The following TPST2 variants were observed in gnomAD, a reference collection of about 807,000 sequenced individuals.
TPST2 encodes the protein protein-tyrosine sulfotransferase 2.
In TPST2, 16 loss-of-function variants were observed where a neutral mutation model predicts 27.8. The observed-to-expected ratio is 0.58, with a 90% CI of 0.39 to 0.88. The LOEUF is 0.88. Ranked by LOEUF, TPST2 falls within the 40% of genes least tolerant of loss-of-function variation. The pLI, the probability that TPST2 is intolerant of heterozygous loss-of-function variation, is 0.00. For missense variants in TPST2, 464 were observed against 543.1 expected, an observed-to-expected ratio of 0.85 and a Z score of 1.45; for synonymous variants, 229 against 231.7, an observed-to-expected ratio of 0.99 and a Z score of 0.10.
At chr22:26,569,390 T>C in intron 1 of TPST2, among the ~76,000 whole-genome samples, 1 of 152,194 alleles carries the variant, frequency 6.6e-6, no homozygotes, top group East Asian at 1.9e-4. Flanking sequence ...TTGATCCAGG[T>C]GCTGGTCACA....
At chr22:26,546,261 T>C (rs1379354457) in intron 1 of TPST2, among the ~76,000 whole-genome samples, 1 of 151,952 alleles carries the variant, frequency 6.6e-6, no homozygotes, top group Non-Finnish European at 1.5e-5. Flanking sequence ...TAAACCCAGA[T>C]GGAAAAGGGA....
intron 1 of TPST2, among the ~76,000 whole-genome samples, chr22:26,570,057 A>AAGACAGACAGAC (rs1927569356): frequency 1.3e-5 from 2 of 148,796 alleles, no homozygotes. Flanking sequence ...GAAAGAAAGA[A>AAGACAGACAGAC]AGAAAGAAGG....
intron 1 of TPST2, among the ~76,000 whole-genome samples, chr22:26,567,142 C>T (rs1428001073): frequency 6.6e-6 from 1 of 152,202 alleles, no homozygotes; most frequent in African/African-American, 2.4e-5. Context: ...TTCCATCTCC[C>T]AGGTACCTGT....
At chr22:26,571,339 C>T (rs1010706813) in intron 1 of TPST2, among the ~76,000 whole-genome samples, 1 of 152,162 alleles carries the variant, frequency 6.6e-6, no homozygotes, top group Non-Finnish European at 1.5e-5. Context: ...TCTCTCACAT[C>T]GCACTTCTTC....
intron 1 of TPST2, among the ~76,000 whole-genome samples, chr22:26,585,282 C>G (rs1273789724): frequency 1.3e-5 from 2 of 152,192 alleles, no homozygotes; most frequent in Admixed American, 1.3e-4. Flanking sequence ...TGCCCGCCAT[C>G]TGAGCACATA....
intron 1 of TPST2, among the ~76,000 whole-genome samples, chr22:26,562,342 G>GC (rs1008184187): frequency 1.8e-4 from 28 of 152,154 alleles, no homozygotes; most frequent in Admixed American, 5.2e-4. Flanking sequence ...TCCTTTGGCA[G>GC]CACCCCCACC....
intron 1 of TPST2, among the ~76,000 whole-genome samples, chr22:26,585,475 C>T (rs6005087): frequency 0.035 from 5,352 of 152,152 alleles, 327 homozygotes; most frequent in African/African-American, 0.12. Flanking sequence ...TGAGAAGTGA[C>T]GGGAGGGGAC....
In TPST2 at chr22:26,530,891, C is replaced by A. The variant is rs932778460; in HGVS notation, c.1092+1804G>T. Among the ~76,000 whole-genome samples the A allele has an allele frequency of 2.6e-5, 4 of 152,040 alleles. No individual in the cohort carries two copies. The South Asian group carries it at 8.3e-4, about 32-fold the overall frequency. Reference sequence around the variant, plus strand: ...AGGCGTGGTGGCCGGTGCCTGTAATCCCAGCTACTTGAGAGGCTGAGGCAG... The same window carrying A: ...AGGCGTGGTGGCCGGTGCCTGTAATACCAGCTACTTGAGAGGCTGAGGCAG... On this transcript the variant is annotated intron_variant, in intron 5 of 6. Transcript: ENST00000338754.
intron 1 of TPST2, among the ~76,000 whole-genome samples, chr22:26,588,773 A>T (rs1238702761): frequency 1.3e-5 from 2 of 152,024 alleles, no homozygotes; most frequent in African/African-American, 2.4e-5. Context: ...CATCACTACT[A>T]AATCCGGTGT....
chr22:26,548,430 G>C (rs986369833), intron 1 of TPST2, among the ~76,000 whole-genome samples: 3 of 151,260 alleles, frequency 2.0e-5, no homozygotes, highest in African/African-American at 7.3e-5. Context: ...ACCAGGTAGG[G>C]CATGGGAAAG....
chr22:26,590,101 TCTCCAGCCGC>T lies in TPST2; in HGVS notation c.-219_-210del, dbSNP rs1928502473. The T allele has an allele frequency of 6.6e-6, 1 of 151,572 alleles. No individual in the cohort carries two copies. Among genetic ancestry groups the T allele is most frequent in the Admixed American group, 6.6e-5 (1 of 15,238 alleles). 9.4% of individuals were successfully genotyped at this position (151,572 alleles called of 1,614,324 possible). ...CCCCACGCACCCAGCGACTCCCGGC[TCTCCAGCCGC>T]CCCAGCCGGGGAAGGGGGAGGTGCC... On this transcript the variant is annotated 5_prime_UTR_variant, in exon 1 of 7. Transcript: ENST00000338754.
chr22:26,554,498 G>A (rs1479398087), intron 1 of TPST2, among the ~76,000 whole-genome samples: 1 of 152,200 alleles, frequency 6.6e-6, no homozygotes, highest in Non-Finnish European at 1.5e-5. Context: ...AGAGGTAGGG[G>A]ACTGAGCATA....
intron 4 of TPST2, chr22:26,536,027 A>G: frequency 1.6e-6 from 1 of 614,780 alleles, no homozygotes; most frequent in Non-Finnish European, 3.1e-6. Context: ...GAGAAATAAG[A>G]TGAAATTAGT....
intron 5 of TPST2, among the ~76,000 whole-genome samples, chr22:26,531,526 C>T (rs1025782974): frequency 6.6e-6 from 1 of 152,216 alleles, no homozygotes; most frequent in African/African-American, 2.4e-5. Flanking sequence ...CACTTTCAGG[C>T]GTTTACAGTT....
At chr22:26,558,425 G>C (rs1926914992) in intron 1 of TPST2, among the ~76,000 whole-genome samples, 1 of 152,144 alleles carries the variant, frequency 6.6e-6, no homozygotes, top group African/African-American at 2.4e-5. Flanking sequence ...ACAGGCATGA[G>C]CCACTGTGCT....
At chr22:26,584,357 A>G (rs979082638) in intron 1 of TPST2, among the ~76,000 whole-genome samples, 1 of 152,180 alleles carries the variant, frequency 6.6e-6, no homozygotes, top group Non-Finnish European at 1.5e-5. Context: ...GCATGTTCTG[A>G]TCATCAGGGA....
chr22:26,579,467 G>T (rs956870683), intron 1 of TPST2, among the ~76,000 whole-genome samples: 20 of 152,208 alleles, frequency 1.3e-4, no homozygotes, highest in Admixed American at 7.2e-4. Context: ...AAGGGTGTGG[G>T]TTGAGAGGAA....
At chr22:26,559,446 T>C (rs141112155) in intron 1 of TPST2, among the ~76,000 whole-genome samples, 7 of 150,750 alleles carry the variant, frequency 4.6e-5, no homozygotes, top group African/African-American at 1.7e-4. Flanking sequence ...AGGTTTCTAG[T>C]ATGTGCAGAG....
intron 1 of TPST2, among the ~76,000 whole-genome samples, chr22:26,577,649 A>ATTTTTT (rs771843747): frequency 5.4e-5 from 5 of 93,382 alleles, no homozygotes; most frequent in Non-Finnish European, 6.0e-5. Flanking sequence ...GCACCCGGCC[A>ATTTTTT]TTTTTTTTTT....
Sources: allele counts gnomAD v4.1 joint callset (sites outside exome capture counted in the v4.1 genomes callset), GRCh38; gene constraint gnomAD v4.1.1; transcripts MANE v1.5; gene names NCBI Gene and HGNC (gene_info 2026-07-23, HGNC 2026-07-21).